Variants in COMMD10 observed in about 807,000 individuals in gnomAD.
COMMD10 encodes COMM domain containing 10, also known as COMM domain-containing protein 10.
COMMD10 carries 33 observed loss-of-function variants against 28.9 expected under a neutral mutation model. The observed-to-expected ratio is 1.14, with a 90% CI of 0.87 to 1.53. COMMD10 has a LOEUF of 1.53. Among genes scored for constraint, COMMD10 ranks in the 40% most tolerant of loss-of-function variants. COMMD10 has a pLI of 0.00. For missense variants in COMMD10, 310 were observed against 233.4 expected, an observed-to-expected ratio of 1.33 and a Z score of -2.14; for synonymous variants, 110 against 81.7, an observed-to-expected ratio of 1.35 and a Z score of -1.87.
Position 116,292,817 on chromosome 5 carries a change from A to G in COMMD10, c.*328A>G. 2.5e-6 allele frequency: 1 copy of G among 398,076 alleles called. No homozygotes were observed. Among genetic ancestry groups the G allele is most frequent in the Non-Finnish European group, 4.4e-6 (1 of 225,982 alleles). 24.7% of individuals were successfully genotyped at this position (398,076 alleles called of 1,614,324 possible). ...GCTTAGTTTTTACTTGCTGGATGAT[A>G]CCATAATGTATCAAGGAGCGTCCAT... is the stretch of plus-strand genomic sequence containing the variant. On this transcript the variant is annotated 3_prime_UTR_variant, in exon 7 of 7. Transcript: ENST00000274458.
chr5:116,253,096 C>CTGTA (rs1157352167), intron 5 of COMMD10, among the ~76,000 whole-genome samples: 1 of 67,592 alleles, frequency 1.5e-5, no homozygotes, highest in Non-Finnish European at 4.7e-5. Flanking sequence ...ATTTGGCTCT[C>CTGTA]TGTCTGTTAT....
At chr5:116,177,696 C>T (rs1753561715) in intron 5 of COMMD10, among the ~76,000 whole-genome samples, 1 of 152,106 alleles carries the variant, frequency 6.6e-6, no homozygotes, top group Non-Finnish European at 1.5e-5. Flanking sequence ...TTTGTCCCTT[C>T]TCTTCTCCCT....
intron 5 of COMMD10, among the ~76,000 whole-genome samples, chr5:116,200,654 G>T (rs73257286): frequency 6.6e-6 from 1 of 151,800 alleles, no homozygotes; most frequent in South Asian, 2.1e-4. Context: ...GAAGTTTTCT[G>T]TTGAGATATT....
At chr5:116,221,366 G>A (rs1749251082) in intron 5 of COMMD10, among the ~76,000 whole-genome samples, 1 of 152,046 alleles carries the variant, frequency 6.6e-6, no homozygotes, top group East Asian at 1.9e-4. Flanking sequence ...CAGCCACCCT[G>A]TGGTTATTAA....
rs568724586 is a variant in COMMD10 at position 116,169,816 on chromosome 5, C to T, written c.510+35638C>T. ...CTTCATGCTAAAAACACTCAATAAA[C>T]TAGGTACTGATGGGACGTATCTCAA... On this transcript the variant is annotated intron_variant, in intron 5 of 6. Coordinates refer to ENST00000274458, the MANE Select transcript of COMMD10 (RefSeq NM_016144.4). Among the ~76,000 whole-genome samples, 228 of 152,206 alleles carry T rather than the reference C, an allele frequency of 1.5e-3. 1 individual carries two copies. Among genetic ancestry groups the T allele is most frequent in the Non-Finnish European group, 2.6e-3 (179 of 68,010 alleles).
intron 5 of COMMD10, among the ~76,000 whole-genome samples, chr5:116,178,789 C>G (rs1349772854): frequency 1.3e-5 from 2 of 152,024 alleles, no homozygotes; most frequent in Non-Finnish European, 2.9e-5. Context: ...AGTTAATGCC[C>G]TGATTTATTC....
chr5:116,176,597 T>C (rs1753521803), intron 5 of COMMD10, among the ~76,000 whole-genome samples: 1 of 152,214 alleles, frequency 6.6e-6, no homozygotes, highest in African/African-American at 2.4e-5. Context: ...TTCTCATGTA[T>C]ATAAAATTCA....
At chr5:116,150,468 A>G (rs1369210963) in intron 5 of COMMD10, among the ~76,000 whole-genome samples, 3 of 151,910 alleles carry the variant, frequency 2.0e-5, no homozygotes, top group African/African-American at 7.3e-5. Flanking sequence ...TTTTCATGAT[A>G]TTGATTCTTC....
At chr5:116,211,690 T>G (rs1403001896) in intron 5 of COMMD10, among the ~76,000 whole-genome samples, 1 of 152,172 alleles carries the variant, frequency 6.6e-6, no homozygotes, top group African/African-American at 2.4e-5. Flanking sequence ...CTCAAATATA[T>G]GGAGTATTTT....
At chr5:116,091,917 G>A (rs141088311) in intron 3 of COMMD10, among the ~76,000 whole-genome samples, 1 of 152,268 alleles carries the variant, frequency 6.6e-6, no homozygotes, top group East Asian at 1.9e-4. Context: ...ATATTAGGAG[G>A]ACAAGCTACC....
intron 5 of COMMD10, among the ~76,000 whole-genome samples, chr5:116,251,856 G>C (rs929268030): frequency 1.3e-5 from 2 of 152,088 alleles, no homozygotes; most frequent in African/African-American, 2.4e-5. Context: ...CTAGATCCCT[G>C]AGGATTCGCC....
At chr5:116,224,223 T>C (rs960594528) in intron 5 of COMMD10, among the ~76,000 whole-genome samples, 3 of 152,182 alleles carry the variant, frequency 2.0e-5, no homozygotes, top group Non-Finnish European at 2.9e-5. Flanking sequence ...AAATAAATCA[T>C]GAGTCTATAT....
rs2112764057 is a variant in COMMD10 at position 116,128,288 on chromosome 5, A to G, written c.400-5780A>G. ...AACATTCTCAGGTAAAAGGTAATGT[A>G]AGTGAGATGCCTAACTACTGTGTTA... is the stretch of plus-strand genomic sequence containing the variant. On this transcript the variant is annotated intron_variant, in intron 4 of 6. Coordinates refer to ENST00000274458, the MANE Select transcript of COMMD10 (RefSeq NM_016144.4). Among the ~76,000 whole-genome samples, 3 of 152,186 alleles carry G rather than the reference A, an allele frequency of 2.0e-5. 1 individual carries two copies. Among genetic ancestry groups the G allele is most frequent in the Admixed American group, 2.0e-4 (3 of 15,254 alleles).
chr5:116,186,485 T>G (rs1748143130), intron 5 of COMMD10, among the ~76,000 whole-genome samples: 1 of 152,182 alleles, frequency 6.6e-6, no homozygotes, highest in Non-Finnish European at 1.5e-5. Flanking sequence ...GGAAACACTC[T>G]CTGCCTTCCT....
rs577654037 is a variant in COMMD10, at chr5:116,237,190, G to T, written c.511-54327G>T. Reference sequence around the variant, plus strand: ...GATATGTTTGATGAACAGCAAGCAGGTTAATGTGGCTCAAGTGAATTGAGT... The same window carrying T: ...GATATGTTTGATGAACAGCAAGCAGTTTAATGTGGCTCAAGTGAATTGAGT... On this transcript the variant is annotated intron_variant, in intron 5 of 6. Transcript: ENST00000274458. Among the ~76,000 whole-genome samples the T allele has an allele frequency of 2.6e-5, 4 of 152,206 alleles. No homozygotes were observed. In the East Asian group the frequency reaches 7.8e-4, roughly 30 times the overall value.
At chr5:116,204,912 T>A (rs969692517) in intron 5 of COMMD10, among the ~76,000 whole-genome samples, 1 of 152,252 alleles carries the variant, frequency 6.6e-6, no homozygotes, top group Non-Finnish European at 1.5e-5. Context: ...TGGAAGAGTA[T>A]CTAAAGGATA....
rs1342952227 is a variant in COMMD10 at position 116,117,791 on chromosome 5, C to G, written c.400-16277C>G. Among the ~76,000 whole-genome samples the G allele has an allele frequency of 2.6e-5, 4 of 152,066 alleles. No homozygotes were observed. The East Asian group carries it at 5.8e-4, about 22-fold the overall frequency. On this transcript the variant is annotated intron_variant, in intron 4 of 6. Coordinates refer to ENST00000274458, the MANE Select transcript of COMMD10 (RefSeq NM_016144.4). Reference sequence around the variant, plus strand: ...TGATTTTAGTCATTCTTAATGCATTCAAATTGTTGTTTTAAAAAAACGTTT... The same window carrying G: ...TGATTTTAGTCATTCTTAATGCATTGAAATTGTTGTTTTAAAAAAACGTTT...
intron 4 of COMMD10, among the ~76,000 whole-genome samples, chr5:116,117,400 C>G (rs1023185610): frequency 6.6e-6 from 1 of 152,138 alleles, no homozygotes; most frequent in Admixed American, 6.6e-5. Context: ...TGAATCTCAC[C>G]TTGAGTGGTT....
chr5:116,115,914 T>G (rs551311146), intron 4 of COMMD10, among the ~76,000 whole-genome samples: 3 of 152,196 alleles, frequency 2.0e-5, no homozygotes, highest in African/African-American at 4.8e-5. Context: ...ATTTATTGAC[T>G]CCTTAAAATG....
Sources: allele counts gnomAD v4.1 joint callset (sites outside exome capture counted in the v4.1 genomes callset), GRCh38; gene constraint gnomAD v4.1.1; transcripts MANE v1.5; gene names NCBI Gene and HGNC (gene_info 2026-07-23, HGNC 2026-07-21).